The following RGMA variants were observed in gnomAD, a reference collection of about 807,000 sequenced individuals.
The protein encoded by RGMA is repulsive guidance molecule A.
Under a neutral mutation model 23.2 loss-of-function variants are expected in RGMA, and 10 were observed. The observed-to-expected ratio is 0.43, with a 90% CI of 0.27 to 0.73. The LOEUF is 0.73. Among genes scored for constraint, RGMA ranks in the 30% least tolerant of loss-of-function variants. The pLI, the probability that RGMA is intolerant of heterozygous loss-of-function variation, is 0.20. For synonymous variants in RGMA, 308 were observed against 279.3 expected (o/e 1.10, Z -1.03); for missense variants, 547 against 630.5 (o/e 0.87, Z 1.42).
chr15:93,064,492 G>A (rs1234382465), intron 2 of RGMA, among the ~76,000 whole-genome samples: 1 of 152,204 alleles, frequency 6.6e-6, no homozygotes, highest in Non-Finnish European at 1.5e-5. Flanking sequence ...CTGCCGGCAG[G>A]CAGGCCTTCC....
intron 2 of RGMA, among the ~76,000 whole-genome samples, chr15:93,067,766 TAG>T (rs1895203328): frequency 1.3e-5 from 2 of 151,988 alleles, no homozygotes; most frequent in South Asian, 4.2e-4. Context: ...GGCCGGGAGT[TAG>T]AGACCCTCCC....
intron 1 of RGMA, chr15:93,073,694 C>G (rs759204707): frequency 2.6e-5 from 40 of 1,537,130 alleles, no homozygotes; most frequent in Non-Finnish European, 3.1e-5. Context: ...CAGGATGGCT[C>G]TCTGCATCTC....
Position 93,044,991 on chromosome 15 carries a change from T to G in RGMA, c.*7A>C, listed in dbSNP as rs765450280. The G allele has an allele frequency of 4.4e-6, 7 of 1,593,236 alleles. No individual in the cohort carries two copies. Among genetic ancestry groups the G allele is most frequent in the Non-Finnish European group, 6.0e-6 (7 of 1,169,930 alleles). On this transcript the variant is annotated 3_prime_UTR_variant, in exon 4 of 4. Transcript: ENST00000329082. ...CGGAGCCCGCGCCTCCCTCCACATC[T>G]ACGCGTCTAGCAGAACACAGGGAGC...
At chr15:93,073,283 C>G (rs928117995) in intron 1 of RGMA, 8 of 809,030 alleles carry the variant, frequency 9.9e-6, no homozygotes, top group African/African-American at 5.4e-5. Flanking sequence ...CGGGTTTCAG[C>G]GAGGCCGGCG....
intron 2 of RGMA, chr15:93,066,521 CCT>C: frequency 2.0e-6 from 1 of 489,788 alleles, no homozygotes. Flanking sequence ...CGACTCCGCC[CCT>C]GCCACCGCCC....
chr15:93,042,718 A>G lies in RGMA; in HGVS notation c.*2280T>C, dbSNP rs2054740064. 1 of 152,228 alleles carries G rather than the reference A, an allele frequency of 6.6e-6. No homozygotes were observed. The highest frequency in any genetic ancestry group is 2.4e-5 in the African/African-American group (1 of 41,448). 9.4% of individuals were successfully genotyped at this position (152,228 alleles called of 1,614,324 possible). ...TGTTTCATCGGCAAAATGGGCCTGA[A>G]TTTCTTCCTGATTCACTGGGTAGTT... On this transcript the variant is annotated 3_prime_UTR_variant, in exon 4 of 4. Transcript: ENST00000329082.
intron 1 of RGMA, among the ~76,000 whole-genome samples, chr15:93,076,995 A>G (rs375122863): frequency 3.3e-5 from 5 of 152,336 alleles, no homozygotes; most frequent in African/African-American, 1.2e-4. Context: ...AGGGAGGGGA[A>G]AGAAGCTTTC....
At chr15:93,069,409 C>T (rs539425593) in intron 2 of RGMA, among the ~76,000 whole-genome samples, 2 of 152,272 alleles carry the variant, frequency 1.3e-5, no homozygotes, top group African/African-American at 2.4e-5. Context: ...CGCGCCTGGC[C>T]GATGCATTTT....
intron 1 of RGMA, 29 bp downstream of exon 1, chr15:93,088,890 G>A: frequency 6.7e-7 from 1 of 1,491,774 alleles, no homozygotes; most frequent in Non-Finnish European, 8.9e-7. Context: ...GTCAGAGCCG[G>A]GTCTGCCCGG....
Position 93,044,891 on chromosome 15 carries a change from G to A in RGMA, c.*107C>T, listed in dbSNP as rs951676154. On this transcript the variant is annotated 3_prime_UTR_variant, in exon 4 of 4. Coordinates refer to ENST00000329082, the MANE Select transcript of RGMA (RefSeq NM_020211.3). The stretch of plus-strand genomic sequence containing the variant: ...CAGCAGGCGGTCCCTGGCGTTCTGC[G>A]GGGCCATGGTGGACACGCCAGGAGA... 9 of 935,076 alleles carry A rather than the reference G, an allele frequency of 9.6e-6. No homozygotes were observed. The highest frequency in any genetic ancestry group is 8.0e-5 in the East Asian group (3 of 37,696). The allele number at this position is 935,076 out of a possible 1,614,324, so 57.9% of individuals were successfully genotyped here.
chr15:93,056,608 T>A (rs905660870), intron 2 of RGMA, among the ~76,000 whole-genome samples: 1 of 152,100 alleles, frequency 6.6e-6, no homozygotes, highest in Non-Finnish European at 1.5e-5. Flanking sequence ...GACTCCTCTG[T>A]AGGCTTCAGG....
At position 93,045,849 on chromosome 15, in the gene RGMA, T is replaced by C; in HGVS notation, c.646-144A>G. 3.2e-6 allele frequency: 2 copies of C among 623,800 alleles called. No individual in the cohort carries two copies. Among genetic ancestry groups the C allele is most frequent in the South Asian group, 3.9e-5 (2 of 51,870 alleles). 38.6% of individuals were successfully genotyped at this position (623,800 alleles called of 1,614,324 possible). A position where few individuals can be genotyped will look rare whatever the true frequency, so the allele number is the denominator to read the frequency against. On this transcript the variant is annotated intron_variant, in intron 3 of 3. Transcript: ENST00000329082. This position sits in a 1 kb window ranked among gnomAD's most constrained non-coding sequence, Gnocchi z 6.9. ...CACTCCCTTCTCCAGGTTGGACAGA[T>C]CAGTTCCACCTGCGCAGCTGTGCAC...
At chr15:93,058,617 G>C (rs12441831) in intron 2 of RGMA, among the ~76,000 whole-genome samples, 51,234 of 152,044 alleles carry the variant, frequency 0.34, 10,264 homozygotes, top group East Asian at 0.78. Context: ...GGACTGACTT[G>C]TTATCCTCAT....
chr15:93,081,056 T>G (rs1334986241), intron 1 of RGMA, among the ~76,000 whole-genome samples: 3 of 152,186 alleles, frequency 2.0e-5, no homozygotes, highest in African/African-American at 4.8e-5. Flanking sequence ...ATGGAAAGCT[T>G]CAAGACACTG....
chr15:93,055,231 G>C (rs896551607), intron 2 of RGMA, among the ~76,000 whole-genome samples: 2 of 152,174 alleles, frequency 1.3e-5, no homozygotes, highest in Non-Finnish European at 2.9e-5. Context: ...GGCACTTACT[G>C]TGACCAAAGT....
chr15:93,075,163 A>G (rs906619821), intron 1 of RGMA, among the ~76,000 whole-genome samples: 1 of 149,220 alleles, frequency 6.7e-6, no homozygotes, highest in East Asian at 2.0e-4. Context: ...TAAAAGCAGG[A>G]AAAAAAAAAG....
chr15:93,088,231 A>ACACCCCCC, intron 1 of RGMA: 2 of 461,586 alleles, frequency 4.3e-6, no homozygotes, highest in Non-Finnish European at 5.7e-6. Flanking sequence ...AGCGTCCCCC[A>ACACCCCCC]CACCCGCCCT....
At position 93,045,977 on chromosome 15, in the gene RGMA, T is replaced by C. The variant is rs911082169; in HGVS notation, c.646-272A>G. ...AAGTAGAAAACTAGCTCTTTTACTA[T>C]ATAGGGAAGTGAACCAGAAAAATAA... On this transcript the variant is annotated intron_variant, in intron 3 of 3. Transcript: ENST00000329082. The surrounding 1 kb of genome is among the most constrained non-coding windows in gnomAD (Gnocchi z 6.9). Among the ~76,000 whole-genome samples, 3 of 152,168 alleles carry C rather than the reference T, an allele frequency of 2.0e-5. No individual in the cohort carries two copies. Among genetic ancestry groups the C allele is most frequent in the African/African-American group, 7.2e-5 (3 of 41,428 alleles).
At chr15:93,071,568 G>A (rs976292606) in intron 2 of RGMA, among the ~76,000 whole-genome samples, 1 of 152,180 alleles carries the variant, frequency 6.6e-6, no homozygotes, top group African/African-American at 2.4e-5. Flanking sequence ...TAAGCCGGAC[G>A]CACAAGTCTG....
Sources: gnomAD v4.1 joint callset for allele counts (sites outside exome capture counted in the v4.1 genomes callset) on GRCh38, gnomAD v4.1.1 for gene constraint, Gnocchi (gnomAD v3.1) non-coding constraint, MANE v1.5 for transcripts, NCBI Gene and HGNC (gene_info 2026-07-23, HGNC 2026-07-21) for gene names.